Variants in CFH observed in about 807,000 individuals in gnomAD.
CFH encodes the protein H factor 1 (complement).
Under a neutral mutation model 147.3 loss-of-function variants are expected in CFH, and 53 were observed. That is an observed-to-expected ratio of 0.36 (90% CI 0.29 to 0.45). CFH has a LOEUF of 0.45. Ranked by LOEUF, CFH falls within the 20% of genes least tolerant of loss-of-function variation. The pLI is 1.00. For synonymous variants in CFH, 536 were observed against 489.4 expected, an observed-to-expected ratio of 1.10 and a Z score of -1.26; for missense variants, 1,380 against 1,498.0, an observed-to-expected ratio of 0.92 and a Z score of 1.30.
At position 196,677,430 on chromosome 1, in the gene CFH, A is replaced by C. The variant is rs1334556378; in HGVS notation, c.428-46A>C. On this transcript the variant is annotated intron_variant, in intron 4 of 21. Transcript: ENST00000367429. ...TATACATACACATATTTTTCACAAT[A>C]AACTTTTAAAATTCCATTAGAAAAC... 4 of 1,560,630 alleles carry C rather than the reference A, an allele frequency of 2.6e-6. No individual in the cohort carries two copies. The South Asian group carries it at 4.5e-5, about 17-fold the overall frequency.
chr1:196,722,564 T>C (rs1449510029), intron 11 of CFH, among the ~76,000 whole-genome samples: 1 of 152,154 alleles, frequency 6.6e-6, no homozygotes, highest in African/African-American at 2.4e-5. Flanking sequence ...ACTATATGTT[T>C]GTAGAAGTTC....
intron 9 of CFH, among the ~76,000 whole-genome samples, chr1:196,704,858 T>G (rs963074852): frequency 6.6e-6 from 1 of 152,218 alleles, no homozygotes; most frequent in Non-Finnish European, 1.5e-5. Context: ...ATTTATCTGG[T>G]GATAACTGAT....
At chr1:196,692,142 T>A (rs1043226589) in intron 9 of CFH, among the ~76,000 whole-genome samples, 1 of 152,156 alleles carries the variant, frequency 6.6e-6, no homozygotes, top group African/African-American at 2.4e-5. Flanking sequence ...TTATTTATTT[T>A]ATTTTGAGAT....
intron 11 of CFH, among the ~76,000 whole-genome samples, chr1:196,721,878 TG>T (rs1334191134): frequency 6.6e-6 from 1 of 151,950 alleles, no homozygotes; most frequent in African/African-American, 2.4e-5. Context: ...AAATGCTTTT[TG>T]TTTCTGTTGT....
chr1:196,738,717 C>T (rs1266113270), intron 17 of CFH, among the ~76,000 whole-genome samples: 2 of 152,182 alleles, frequency 1.3e-5, no homozygotes, highest in African/African-American at 4.8e-5. Flanking sequence ...GTGTCTGTGG[C>T]TTTTCCAGGA....
chr1:196,653,922 C>G (rs918252054), intron 1 of CFH, among the ~76,000 whole-genome samples: 1 of 152,026 alleles, frequency 6.6e-6, no homozygotes, highest in South Asian at 2.1e-4. Flanking sequence ...CATAAAAGCA[C>G]ATGTAATGCA....
intron 10 of CFH, among the ~76,000 whole-genome samples, 160 bp downstream of exon 10, chr1:196,714,077 A>C (rs539772765): frequency 6.6e-6 from 1 of 152,104 alleles, no homozygotes; most frequent in African/African-American, 2.4e-5. Context: ...TTTTCACATT[A>C]ATTACTCAGA....
chr1:196,701,223 T>C, intron 9 of CFH: 1 of 1,563,188 alleles, frequency 6.4e-7, no homozygotes, highest in African/African-American at 1.3e-5. Flanking sequence ...CTCTTCTTGT[T>C]TGGTCAGTCA....
At position 196,745,894 on chromosome 1, in the gene CFH, C is replaced by T. The variant is rs1652987101; in HGVS notation, c.3388C>T (p.Pro1130Ser). 2 of 1,613,990 alleles carry T rather than the reference C, an allele frequency of 1.2e-6. No individual in the cohort carries two copies. The highest frequency in any genetic ancestry group is 2.2e-5 in the South Asian group (2 of 91,082). Residue 1130 changes from proline to serine, a missense_variant, in exon 21 of 22, where the codon CCA becomes TCA. Coordinates refer to ENST00000367429, the MANE Select transcript of CFH (RefSeq NM_000186.4). ...TTCATTCCCGTTGTCAGTATATGCT[C>T]CAGCTTCATCAGTTGAGTACCAATG... ...ITSFPLSVYA[P>S]ASSVEYQCQN...
At chr1:196,687,943 G>A (rs987905542) in intron 7 of CFH, among the ~76,000 whole-genome samples, 15 of 151,836 alleles carry the variant, frequency 9.9e-5, no homozygotes, top group African/African-American at 2.7e-4. Context: ...ATACATTTAA[G>A]ATATACAATT....
intron 11 of CFH, among the ~76,000 whole-genome samples, chr1:196,721,320 A>G (rs1668993948): frequency 6.6e-6 from 1 of 151,942 alleles, no homozygotes; most frequent in Non-Finnish European, 1.5e-5. Flanking sequence ...ACAATCACCC[A>G]GAAGCAGGTC....
At chr1:196,705,578 T>A (rs1183550798) in intron 9 of CFH, among the ~76,000 whole-genome samples, 1 of 152,182 alleles carries the variant, frequency 6.6e-6, no homozygotes, top group Non-Finnish European at 1.5e-5. Flanking sequence ...CCATTTGATT[T>A]GTTCATACAT....
chr1:196,669,865 G>C (rs1667218943), intron 1 of CFH, among the ~76,000 whole-genome samples: 6 of 152,190 alleles, frequency 3.9e-5, no homozygotes, highest in Admixed American at 3.9e-4. Flanking sequence ...GTTGCACCTT[G>C]TGCCTGGAAA....
chr1:196,706,675 TG>T (rs1181117476), intron 9 of CFH, among the ~76,000 whole-genome samples: 6 of 152,188 alleles, frequency 3.9e-5, no homozygotes, highest in African/African-American at 1.4e-4. Context: ...CCACACAGTA[TG>T]GCAGGCATGC....
chr1:196,710,067 C>T (rs1668689589), intron 9 of CFH, among the ~76,000 whole-genome samples: 1 of 148,626 alleles, frequency 6.7e-6, no homozygotes, highest in Admixed American at 6.7e-5. Flanking sequence ...CAGACACACA[C>T]ATCAGCTGGT....
intron 2 of CFH, among the ~76,000 whole-genome samples, chr1:196,673,653 A>C (rs1165640226): frequency 1.3e-5 from 2 of 152,088 alleles, no homozygotes; most frequent in East Asian, 3.9e-4. Flanking sequence ...CATCATTTTC[A>C]AAAAGGGGTG....
At chr1:196,727,055 T>C (rs1669160001) in intron 14 of CFH, 115 bp downstream of exon 14, 2 of 880,646 alleles carry the variant, frequency 2.3e-6, no homozygotes, top group Non-Finnish European at 1.9e-6. Flanking sequence ...TTTCCAGTCT[T>C]CAATATGAGA....
intron 1 of CFH, among the ~76,000 whole-genome samples, chr1:196,655,294 A>G (rs1002806310): frequency 2.0e-5 from 3 of 152,260 alleles, no homozygotes; most frequent in South Asian, 2.1e-4. Context: ...GAAGTGCTAT[A>G]GTGAGTGCTA....
At chr1:196,668,842 A>G (rs529221482) in intron 1 of CFH, among the ~76,000 whole-genome samples, 9 of 152,308 alleles carry the variant, frequency 5.9e-5, no homozygotes, top group Admixed American at 2.0e-4. Flanking sequence ...ATGGACTAAT[A>G]CAGTAAATTG....
Sources: gnomAD v4.1 joint callset for allele counts (sites outside exome capture counted in the v4.1 genomes callset) on GRCh38, gnomAD v4.1.1 for gene constraint, MANE v1.5 for transcripts, NCBI Gene and HGNC (gene_info 2026-07-23, HGNC 2026-07-21) for gene names.